Variants in JAK2 observed in about 807,000 individuals in gnomAD.
JAK2 encodes the protein tyrosine-protein kinase JAK2.
Under a neutral mutation model 139.3 loss-of-function variants are expected in JAK2, and 86 were observed. That is an observed-to-expected ratio of 0.62 (90% CI 0.52 to 0.74). JAK2 has a LOEUF of 0.74. Among genes scored for constraint, JAK2 ranks in the 30% least tolerant of loss-of-function variants. JAK2 has a pLI of 0.00. For missense variants in JAK2, 1,421 were observed against 1,360.3 expected, an observed-to-expected ratio of 1.04 and a Z score of -0.70; for synonymous variants, 490 against 437.7, an observed-to-expected ratio of 1.12 and a Z score of -1.49.
chr9:5,042,112 T>A (rs1586689023), intron 4 of JAK2, among the ~76,000 whole-genome samples: 1 of 146,850 alleles, frequency 6.8e-6, no homozygotes, highest in African/African-American at 2.5e-5. Context: ...CACGTAAGAC[T>A]GGCCAAAATT....
intron 22 of JAK2, among the ~76,000 whole-genome samples, chr9:5,093,156 C>A (rs1330144077): frequency 6.6e-6 from 1 of 152,168 alleles, no homozygotes; most frequent in Non-Finnish European, 1.5e-5. Context: ...AACCCACTGA[C>A]TGACAGTTAA....
At chr9:5,043,727 A>G (rs1586693648) in intron 4 of JAK2, among the ~76,000 whole-genome samples, 1 of 152,388 alleles carries the variant, frequency 6.6e-6, no homozygotes, top group East Asian at 1.9e-4. Flanking sequence ...GGATACAGAA[A>G]AAGTGGTATA....
At chr9:5,082,005 C>T in intron 19 of JAK2, 144 bp downstream of exon 19, 1 of 687,798 alleles carries the variant, frequency 1.5e-6, no homozygotes. Flanking sequence ...TGGAGAAATG[C>T]TGTGTTAAAT....
chr9:5,096,518 G>C (rs2130717892), intron 22 of JAK2: 1 of 152,322 alleles, frequency 6.6e-6, no homozygotes, highest in Non-Finnish European at 1.5e-5. Context: ...TGGTAGGCCG[G>C]AGAAGCCCTG....
chr9:5,085,248 TAACC>T, intron 19 of JAK2: 9 of 676,220 alleles, frequency 1.3e-5, no homozygotes, highest in South Asian at 5.4e-5. Context: ...GACCAGTGGC[TAACC>T]TGAGATTCAC....
At chr9:5,085,241 C>T in intron 19 of JAK2, 4 of 672,794 alleles carry the variant, frequency 5.9e-6, no homozygotes, top group South Asian at 4.1e-5. Context: ...AGGACAGGAC[C>T]AGTGGCTAAC....
intron 2 of JAK2, among the ~76,000 whole-genome samples, chr9:4,993,204 G>T (rs1480691088): frequency 2.0e-5 from 3 of 152,170 alleles, no homozygotes; most frequent in African/African-American, 7.2e-5. Context: ...TAAGCTCTGT[G>T]TGAGTCTGCT....
chr9:5,021,878 C>T, intron 2 of JAK2, 85 bp from the exon 3 acceptor site: 1 of 705,790 alleles, frequency 1.4e-6, no homozygotes, highest in Non-Finnish European at 2.4e-6. Flanking sequence ...AGCTATCTGC[C>T]CGCCTCGGCC....
At chr9:5,089,899 G>A (rs952339474) in intron 20 of JAK2, 36 bp downstream of exon 20, 24 of 1,373,792 alleles carry the variant, frequency 1.7e-5, no homozygotes, top group Non-Finnish European at 2.2e-5. Flanking sequence ...TAAATTCAAG[G>A]TATGTGTTTG....
rs187315787 is a variant in JAK2, at chr9:5,040,864, C to T, written c.351-3539C>T. On this transcript the variant is annotated intron_variant, in intron 4 of 24. Coordinates refer to ENST00000381652, the MANE Select transcript of JAK2 (RefSeq NM_004972.4). The stretch of plus-strand genomic sequence containing the variant: ...GCCCCAGCGCGAGCAGGAGAGGGGC[C>T]GGAGCGCGGATCCGCGCCGCGCTGC... 2.6e-3 allele frequency: 614 copies of T among 235,890 alleles called. 3 individuals carry two copies. Among genetic ancestry groups the T allele is most frequent in the African/African-American group, 0.014 (586 of 42,282 alleles). 14.6% of individuals were successfully genotyped at this position (235,890 alleles called of 1,614,324 possible). A position where few individuals can be genotyped will look rare whatever the true frequency, so the allele number is the denominator to read the frequency against.
At chr9:5,072,140 C>G (rs918886642) in intron 12 of JAK2, among the ~76,000 whole-genome samples, 6 of 152,190 alleles carry the variant, frequency 3.9e-5, no homozygotes, top group Non-Finnish European at 8.8e-5. Flanking sequence ...CTGCAGACCA[C>G]ATTCTCTAGT....
intron 22 of JAK2, among the ~76,000 whole-genome samples, chr9:5,122,305 G>C (rs1823678932): frequency 1.3e-5 from 2 of 152,144 alleles, no homozygotes; most frequent in African/African-American, 4.8e-5. Flanking sequence ...TAATGCTTGA[G>C]TGAACAATGA....
chr9:5,069,926 TAAATC>T lies in JAK2; in HGVS notation c.1519_1523del (p.Ser507ProfsTer11). The T allele has an allele frequency of 6.3e-7, 1 of 1,587,290 alleles. No homozygotes were observed. The highest frequency in any genetic ancestry group is 8.6e-7 in the Non-Finnish European group (1 of 1,162,532). On this transcript the variant is annotated frameshift_variant and splice_region_variant, in exon 12 of 25. Coordinates refer to ENST00000381652, the MANE Select transcript of JAK2 (RefSeq NM_004972.4). LOFTEE classifies it high-confidence loss of function. ...TATATATGTATTTTATTTTTTCAGA[TAAATC>T]AAACCTTCTAGTCTTCAGAACGAAT...
chr9:5,043,636 T>C lies in JAK2; in HGVS notation c.351-767T>C, dbSNP rs146533214. ...GAAATGAAAACATATCCACAAAAAC[T>C]TGTACATGACTCTTCATACTAGCGT... On this transcript the variant is annotated intron_variant, in intron 4 of 24. Coordinates refer to ENST00000381652, the MANE Select transcript of JAK2 (RefSeq NM_004972.4). 1.9e-3 allele frequency among the ~76,000 whole-genome samples: 293 copies of C among 152,314 alleles called. 1 individual carries two copies. Among genetic ancestry groups the C allele is most frequent in the African/African-American group, 6.7e-3 (277 of 41,564 alleles).
chr9:5,120,651 C>T (rs541375639), intron 22 of JAK2, among the ~76,000 whole-genome samples: 110 of 152,164 alleles, frequency 7.2e-4, no homozygotes, highest in Non-Finnish European at 1.3e-3. Context: ...GATCTTTGTA[C>T]ATTATTCTTC....
chr9:4,988,192 TC>T (rs2129687398), intron 2 of JAK2, among the ~76,000 whole-genome samples: 1 of 152,256 alleles, frequency 6.6e-6, no homozygotes, highest in East Asian at 1.9e-4. Flanking sequence ...TCCTCTTAGC[TC>T]CCAGTTTCCC....
At chr9:5,022,675 T>G (rs1822505987) in intron 3 of JAK2, among the ~76,000 whole-genome samples, 1 of 152,220 alleles carries the variant, frequency 6.6e-6, no homozygotes, top group Non-Finnish European at 1.5e-5. Context: ...TCTTATGTCT[T>G]TGGTGTATCT....
intron 15 of JAK2, among the ~76,000 whole-genome samples, chr9:5,078,102 C>G (rs1279680760): frequency 6.6e-6 from 1 of 152,166 alleles, no homozygotes; most frequent in African/African-American, 2.4e-5. Flanking sequence ...TTCATTTCAT[C>G]ACAAGCATAG....
At chr9:5,008,897 T>C (rs1821499499) in intron 2 of JAK2, among the ~76,000 whole-genome samples, 1 of 152,176 alleles carries the variant, frequency 6.6e-6, no homozygotes, top group Non-Finnish European at 1.5e-5. Flanking sequence ...TTTATGCTCA[T>C]AATATTTTTT....
Sources: gnomAD v4.1 joint callset for allele counts (sites outside exome capture counted in the v4.1 genomes callset) on GRCh38, gnomAD v4.1.1 for gene constraint, MANE v1.5 for transcripts, NCBI Gene and HGNC (gene_info 2026-07-23, HGNC 2026-07-21) for gene names.